The following CLTC variants were observed in gnomAD, a reference collection of about 807,000 sequenced individuals.
The protein encoded by CLTC is clathrin heavy chain.
In CLTC, 16 loss-of-function variants were observed where a neutral mutation model predicts 195.8. The ratio of observed to expected loss-of-function variants is 0.08; its 90% confidence interval spans 0.06 to 0.12. The LOEUF (loss-of-function observed/expected upper bound fraction) is 0.12. Among genes scored for constraint, CLTC ranks in the 10% least tolerant of loss-of-function variants. The pLI, the probability that CLTC is intolerant of heterozygous loss-of-function variation, is 1.00. For missense variants in CLTC, 796 were observed against 2,027.0 expected (o/e 0.39, Z 11.66); for synonymous variants, 667 against 689.4 (o/e 0.97, Z 0.51).
At position 59,685,518 on chromosome 17, in the gene CLTC, GT is replaced by G; in HGVS notation, c.4606-64del. 2 of 1,318,826 alleles carry G rather than the reference GT, an allele frequency of 1.5e-6. No individual in the cohort carries two copies. The highest frequency in any genetic ancestry group is 2.1e-6 in the Non-Finnish European group (2 of 943,832). The allele number at this position is 1,318,826 out of a possible 1,614,324, so 81.7% of individuals were successfully genotyped here. ...AGATTTATATTGGAAAGTTTCCATT[GT>G]TTTTCTTGGTTTACTAGTTCAGTAT... On this transcript the variant is annotated intron_variant, in intron 29 of 31. Transcript: ENST00000269122. The surrounding 1 kb of genome is among the most constrained non-coding windows in gnomAD (Gnocchi z 5.0).
At chr17:59,659,947 G>A (rs2032571282) in intron 6 of CLTC, among the ~76,000 whole-genome samples, 1 of 152,104 alleles carries the variant, frequency 6.6e-6, no homozygotes, top group Non-Finnish European at 1.5e-5. Flanking sequence ...AACCCTAAAT[G>A]TCATTTAGAT....
intron 14 of CLTC, among the ~76,000 whole-genome samples, chr17:59,672,096 A>G (rs2032859663): frequency 6.6e-6 from 1 of 152,164 alleles, no homozygotes; most frequent in Non-Finnish European, 1.5e-5. Flanking sequence ...ACCTCTGACT[A>G]TGCTAATATA....
At chr17:59,638,133 C>CA (rs879922372) in intron 1 of CLTC, among the ~76,000 whole-genome samples, 1 of 151,854 alleles carries the variant, frequency 6.6e-6, no homozygotes, top group Admixed American at 6.6e-5. Flanking sequence ...AATGCAAATG[C>CA]AAAAAAGCTA....
At chr17:59,686,656 G>GA (rs2033191468) in intron 30 of CLTC, among the ~76,000 whole-genome samples, 1 of 152,072 alleles carries the variant, frequency 6.6e-6, no homozygotes, top group African/African-American at 2.4e-5. Flanking sequence ...CAATGTAAGA[G>GA]AAAAAACATG....
At chr17:59,633,202 C>T (rs998257563) in intron 1 of CLTC, among the ~76,000 whole-genome samples, 1 of 152,170 alleles carries the variant, frequency 6.6e-6, no homozygotes, top group Non-Finnish European at 1.5e-5. Flanking sequence ...CACAGGAAAA[C>T]ACTCCAGGCT....
chr17:59,642,321 C>T (rs1000780180), intron 1 of CLTC, among the ~76,000 whole-genome samples: 3 of 152,110 alleles, frequency 2.0e-5, no homozygotes, highest in Non-Finnish European at 2.9e-5. Context: ...ATTTTTACTC[C>T]GACTTCCTCA....
intron 10 of CLTC, among the ~76,000 whole-genome samples, chr17:59,665,205 A>T (rs2032701101): frequency 6.7e-6 from 1 of 148,198 alleles, no homozygotes. Flanking sequence ...AACCTGGGCA[A>T]CAGAGTGAGA....
Position 59,685,354 on chromosome 17 carries a change from A to G in CLTC, c.4605+128A>G. On this transcript the variant is annotated intron_variant, in intron 29 of 31. Transcript: ENST00000269122. This position sits in a 1 kb window ranked among gnomAD's most constrained non-coding sequence, Gnocchi z 5.0. ...AGCTGACTTTAAGGCAATTTAAGTT[A>G]ATGGATTTCTTGATTCTAGGGGCTC... 1 of 982,944 alleles carries G rather than the reference A, an allele frequency of 1.0e-6. No homozygotes were observed. The highest frequency in any genetic ancestry group is 2.1e-5 in the South Asian group (1 of 47,118). 60.9% of individuals were successfully genotyped at this position (982,944 alleles called of 1,614,324 possible). A position where few individuals can be genotyped will look rare whatever the true frequency, so the allele number is the denominator to read the frequency against.
At chr17:59,624,514 A>G (rs1247694614) in intron 1 of CLTC, among the ~76,000 whole-genome samples, 1 of 135,116 alleles carries the variant, frequency 7.4e-6, no homozygotes, top group Non-Finnish European at 1.5e-5. Context: ...TGTCACCTAG[A>G]CTAGTGTGCA....
intron 14 of CLTC, among the ~76,000 whole-genome samples, chr17:59,669,424 A>G (rs1160984485): frequency 6.6e-6 from 1 of 152,200 alleles, no homozygotes; most frequent in Non-Finnish European, 1.5e-5. Flanking sequence ...TATAATTCAT[A>G]AAGGTAAGAT....
intron 13 of CLTC, 103 bp from the exon 14 acceptor site, chr17:59,668,674 T>C (rs2032783185): frequency 2.0e-5 from 19 of 951,220 alleles, no homozygotes; most frequent in South Asian, 2.0e-4. Context: ...AACCAACTTA[T>C]ATTTGGGAGT....
intron 3 of CLTC, among the ~76,000 whole-genome samples, chr17:59,647,901 G>A (rs865971236): frequency 2.0e-5 from 3 of 151,702 alleles, no homozygotes; most frequent in African/African-American, 4.9e-5. Context: ...CTTACCAAGC[G>A]TTTTTAGCTC....
chr17:59,620,057 C>A lies in CLTC; in HGVS notation c.-75C>A. On this transcript the variant is annotated 5_prime_UTR_variant, in exon 1 of 32. Transcript: ENST00000269122. ...GCCTCCCCCCTCCCCTTCTCCTCCT[C>A]TCCCTTGGAGAGCCCGGGCAGCCAC... 7.0e-7 allele frequency: 1 copy of A among 1,431,558 alleles called. No individual in the cohort carries two copies. The highest frequency in any genetic ancestry group is 9.8e-7 in the Non-Finnish European group (1 of 1,019,476). 88.7% of individuals were successfully genotyped at this position (1,431,558 alleles called of 1,614,324 possible).
In CLTC at chr17:59,648,111, A is replaced by T; in HGVS notation, c.520-129A>T. 1.2e-6 allele frequency: 1 copy of T among 855,854 alleles called. No individual in the cohort carries two copies. The allele number at this position is 855,854 out of a possible 1,614,324, so 53.0% of individuals were successfully genotyped here. On this transcript the variant is annotated intron_variant, in intron 3 of 31. Transcript: ENST00000269122. This position sits in a 1 kb window ranked among gnomAD's most constrained non-coding sequence, Gnocchi z 4.5. ...TAAGAAGTATCAAATCTACAGTGAG[A>T]GATGAAGTGACAAATAATTATAAAT...
At chr17:59,661,759 C>A in intron 8 of CLTC, 116 bp downstream of exon 8, 1 of 813,762 alleles carries the variant, frequency 1.2e-6, no homozygotes, top group Admixed American at 2.2e-5. Flanking sequence ...AGAAACAGAA[C>A]AAAAACACAC....
intron 5 of CLTC, among the ~76,000 whole-genome samples, chr17:59,653,593 C>T (rs2032386219): frequency 6.6e-6 from 1 of 151,986 alleles, no homozygotes. Flanking sequence ...CCTCTGTTGC[C>T]CAGGCTGGAA....
intron 14 of CLTC, among the ~76,000 whole-genome samples, chr17:59,669,651 A>G (rs2032802513): frequency 6.6e-6 from 1 of 152,200 alleles, no homozygotes; most frequent in Non-Finnish European, 1.5e-5. Context: ...ATAGCTATCT[A>G]TAAAAGGCTA....
In CLTC at chr17:59,696,517, A is replaced by AGAAG. The variant is rs1287931989; in HGVS notation, c.*2667_*2670dup. On this transcript the variant is annotated 3_prime_UTR_variant, in exon 32 of 32. Transcript: ENST00000269122. ...AAATTACTGTCAGTATCCTCCTAAA[A>AGAAG]GAAGGCTTAAATAGTTTCTAACAAG... is the stretch of plus-strand genomic sequence containing the variant. 1.1e-5 allele frequency: 1 copy of AGAAG among 95,182 alleles called. No individual in the cohort carries two copies. The highest frequency in any genetic ancestry group is 1.9e-5 in the Non-Finnish European group (1 of 53,728). The allele number at this position is 95,182 out of a possible 1,614,324, so 5.9% of individuals were successfully genotyped here. A position where few individuals can be genotyped will look rare whatever the true frequency, so the allele number is the denominator to read the frequency against.
chr17:59,661,964 G>A (rs999966072), intron 8 of CLTC, among the ~76,000 whole-genome samples: 7 of 151,972 alleles, frequency 4.6e-5, no homozygotes, highest in East Asian at 3.9e-4. Flanking sequence ...TCAGCTGGGC[G>A]TGGTGGCAGG....
Sources: allele counts gnomAD v4.1 joint callset (sites outside exome capture counted in the v4.1 genomes callset), GRCh38; gene constraint gnomAD v4.1.1; non-coding constraint Gnocchi (gnomAD v3.1); transcripts MANE v1.5; gene names NCBI Gene and HGNC (gene_info 2026-07-23, HGNC 2026-07-21).